ARHGAP15: variants seen among roughly 807,000 people sequenced by gnomAD.
ARHGAP15 encodes the protein rho GTPase-activating protein 15.
A neutral mutation model predicts 63.7 loss-of-function variants in ARHGAP15; 51 were observed. That is an observed-to-expected ratio of 0.80 (90% confidence interval 0.64 to 1.01). The LOEUF (loss-of-function observed/expected upper bound fraction) is 1.01. Among genes scored for constraint, ARHGAP15 ranks in the 50% least tolerant of loss-of-function variants. The probability of loss-of-function intolerance (pLI) is 0.00; values close to 1 mark genes in which losing one functional copy is unlikely to be tolerated. For missense variants in ARHGAP15, 560 were observed against 564.6 expected (o/e 0.99, Z 0.08); for synonymous variants, 191 against 193.8 (o/e 0.99, Z 0.12).
At chr2:143,211,216 A>G (rs1189053085) in intron 3 of ARHGAP15, among the ~76,000 whole-genome samples, 2 of 152,106 alleles carry the variant, frequency 1.3e-5, no homozygotes, top group African/African-American at 4.8e-5. Flanking sequence ...AAATGTAAGC[A>G]ATGAGTTCCA....
At chr2:143,273,614 G>A (rs1681405014) in intron 6 of ARHGAP15, among the ~76,000 whole-genome samples, 1 of 152,074 alleles carries the variant, frequency 6.6e-6, no homozygotes, top group Non-Finnish European at 1.5e-5. Context: ...CATAATGCAT[G>A]TCCTTATGCC....
chr2:143,625,827 A>G (rs1220090863), intron 12 of ARHGAP15, among the ~76,000 whole-genome samples: 1 of 152,150 alleles, frequency 6.6e-6, no homozygotes, highest in Non-Finnish European at 1.5e-5. Flanking sequence ...TCACATCATC[A>G]TCTCCACACA....
At chr2:143,651,388 C>T (rs1681155628) in intron 12 of ARHGAP15, among the ~76,000 whole-genome samples, 1 of 151,888 alleles carries the variant, frequency 6.6e-6, no homozygotes, top group African/African-American at 2.4e-5. Context: ...TTCATTAATG[C>T]TGTTGTTGTG....
chr2:143,712,855 A>G (rs1423666414), intron 13 of ARHGAP15, among the ~76,000 whole-genome samples: 1 of 151,728 alleles, frequency 6.6e-6, no homozygotes, highest in Non-Finnish European at 1.5e-5. Flanking sequence ...AAAAAAAATG[A>G]TATTCTATAG....
intron 5 of ARHGAP15, among the ~76,000 whole-genome samples, chr2:143,244,177 TCA>T (rs1263865994): frequency 6.6e-6 from 1 of 152,194 alleles, no homozygotes; most frequent in Non-Finnish European, 1.5e-5. Flanking sequence ...TTTCAATAGT[TCA>T]CAAATAACTG....
At chr2:143,138,223 A>G (rs1385205980) in intron 1 of ARHGAP15, among the ~76,000 whole-genome samples, 1 of 152,110 alleles carries the variant, frequency 6.6e-6, no homozygotes, top group Non-Finnish European at 1.5e-5. Flanking sequence ...TGGTATCCAC[A>G]AAAATCATGT....
chr2:143,539,348 T>G (rs1694935842), intron 10 of ARHGAP15, among the ~76,000 whole-genome samples: 2 of 113,812 alleles, frequency 1.8e-5, no homozygotes, highest in South Asian at 5.2e-4. Flanking sequence ...ATTCATTGAT[T>G]TTTTGAAGGG....
chr2:143,269,134 T>C (rs956755972), intron 6 of ARHGAP15, among the ~76,000 whole-genome samples: 1 of 152,184 alleles, frequency 6.6e-6, no homozygotes, highest in Non-Finnish European at 1.5e-5. Flanking sequence ...TCAAATTCCC[T>C]AATTTATATA....
intron 6 of ARHGAP15, among the ~76,000 whole-genome samples, chr2:143,421,800 A>ATATATGTG (rs1322174239): frequency 1.4e-4 from 2 of 14,408 alleles, no homozygotes; most frequent in African/African-American, 3.9e-4. Context: ...ATATATATAT[A>ATATATGTG]TGTGTGTGTT....
intron 13 of ARHGAP15, among the ~76,000 whole-genome samples, chr2:143,734,562 A>G (rs144970276): frequency 6.6e-6 from 1 of 152,340 alleles, no homozygotes; most frequent in East Asian, 1.9e-4. Flanking sequence ...GCTTTCAAAT[A>G]CAAGAAACAG....
intron 10 of ARHGAP15, among the ~76,000 whole-genome samples, chr2:143,529,392 G>T (rs1694425762): frequency 6.6e-6 from 1 of 152,000 alleles, no homozygotes; most frequent in Non-Finnish European, 1.5e-5. Context: ...AATCTCCTAA[G>T]GAGGTCTTTG....
intron 11 of ARHGAP15, among the ~76,000 whole-genome samples, chr2:143,614,072 T>C (rs2105223128): frequency 6.6e-6 from 1 of 152,260 alleles, no homozygotes; most frequent in South Asian, 2.1e-4. Context: ...CTTGGCGTGA[T>C]TGTTACTTCT....
chr2:143,619,699 G>T (rs929436986), intron 11 of ARHGAP15, among the ~76,000 whole-genome samples: 2 of 152,142 alleles, frequency 1.3e-5, no homozygotes, highest in African/African-American at 4.8e-5. Context: ...CATGAAGATG[G>T]ATATCCCTCT....
rs952531153 is a variant in ARHGAP15 at position 143,474,168 on chromosome 2, C to T, written c.704-13205C>T. ...TGGCATTCAGCAACAAAATCCTCTTCCCCCAGGGAAAAGGAAGACTCAAAA... is the reference window on the plus strand; with the variant it reads ...TGGCATTCAGCAACAAAATCCTCTTTCCCCAGGGAAAAGGAAGACTCAAAA... On this transcript the variant is annotated intron_variant, in intron 8 of 13. Transcript: ENST00000295095. Among the ~76,000 whole-genome samples, 25 of 152,198 alleles carry T rather than the reference C, an allele frequency of 1.6e-4. No homozygotes were observed. In the South Asian group the frequency reaches 5.2e-3, roughly 32 times the overall value.
chr2:143,531,127 C>CGTGCGTGTGAGTGCGT (rs58887426), intron 10 of ARHGAP15, among the ~76,000 whole-genome samples: 4 of 151,762 alleles, frequency 2.6e-5, no homozygotes, highest in Admixed American at 2.6e-4. Flanking sequence ...TGTGTGTGCG[C>CGTGCGTGTGAGTGCGT]GCATGTGTGT....
chr2:143,506,219 C>A (rs1693313772), intron 9 of ARHGAP15, among the ~76,000 whole-genome samples: 1 of 152,150 alleles, frequency 6.6e-6, no homozygotes, highest in African/African-American at 2.4e-5. Flanking sequence ...CAAAAAGAAT[C>A]TTTCAACTCT....
intron 12 of ARHGAP15, among the ~76,000 whole-genome samples, chr2:143,681,321 A>G (rs1683091138): frequency 6.6e-6 from 1 of 152,128 alleles, no homozygotes; most frequent in Non-Finnish European, 1.5e-5. Context: ...CTGGGCCTTT[A>G]TGTTAATTTA....
intron 13 of ARHGAP15, among the ~76,000 whole-genome samples, chr2:143,715,952 C>T: frequency 6.6e-6 from 1 of 152,070 alleles, no homozygotes; most frequent in Non-Finnish European, 1.5e-5. Context: ...CTAGCTAGCA[C>T]TATTTATTAA....
At chr2:143,362,513 G>A (rs956404922) in intron 6 of ARHGAP15, among the ~76,000 whole-genome samples, 2 of 152,134 alleles carry the variant, frequency 1.3e-5, no homozygotes, top group Non-Finnish European at 2.9e-5. Flanking sequence ...ATCTGCAATA[G>A]TCTAGATGAT....
Sources: gnomAD v4.1 joint callset for allele counts (sites outside exome capture counted in the v4.1 genomes callset) on GRCh38, gnomAD v4.1.1 for gene constraint, MANE v1.5 for transcripts, NCBI Gene and HGNC (gene_info 2026-07-23, HGNC 2026-07-21) for gene names.